GPHN: variants seen among roughly 807,000 people sequenced by gnomAD.
GPHN encodes the protein gephyrin.
In GPHN, 17 loss-of-function variants were observed where a neutral mutation model predicts 95.5. The observed-to-expected ratio is 0.18, with a 90% CI of 0.12 to 0.27. The LOEUF (loss-of-function observed/expected upper bound fraction) is 0.27. Ranked by LOEUF, GPHN falls within the 10% of genes least tolerant of loss-of-function variation. The pLI, the probability that GPHN is intolerant of heterozygous loss-of-function variation, is 1.00. For missense variants in GPHN, 660 were observed against 978.1 expected, an observed-to-expected ratio of 0.67 and a Z score of 4.34; for synonymous variants, 320 against 322.5, an observed-to-expected ratio of 0.99 and a Z score of 0.08.
At chr14:66,621,429 T>TTCAAATC (rs2063297163) in intron 1 of GPHN, among the ~76,000 whole-genome samples, 1 of 65,116 alleles carries the variant, frequency 1.5e-5, no homozygotes, top group Non-Finnish European at 2.2e-5. Context: ...CTGTCAAATC[T>TTCAAATC]TTTTTTTTTT....
intron 1 of GPHN, among the ~76,000 whole-genome samples, chr14:66,545,974 C>T (rs532721407): frequency 1.4e-4 from 20 of 144,834 alleles, no homozygotes; most frequent in Middle Eastern, 7.3e-3. Flanking sequence ...ACTTCTCAGA[C>T]GGGGCGGCTT....
At chr14:67,032,770 G>T (rs1355247776) in intron 10 of GPHN, among the ~76,000 whole-genome samples, 1 of 152,108 alleles carries the variant, frequency 6.6e-6, no homozygotes, top group Non-Finnish European at 1.5e-5. Context: ...CAGGTTGATT[G>T]GTGAGAGTGT....
chr14:66,585,611 A>C (rs1204031358), intron 1 of GPHN, among the ~76,000 whole-genome samples: 2 of 152,140 alleles, frequency 1.3e-5, no homozygotes, highest in Non-Finnish European at 2.9e-5. Flanking sequence ...TTGGTTTCAA[A>C]GAACATCTTT....
intron 11 of GPHN, among the ~76,000 whole-genome samples, chr14:67,060,071 C>T (rs2075762319): frequency 6.6e-6 from 1 of 151,772 alleles, no homozygotes; most frequent in African/African-American, 2.4e-5. Context: ...TAATACTTTA[C>T]CTGTTATAAA....
At position 67,081,450 on chromosome 14, in the gene GPHN, G is replaced by GT. The variant is rs1172167351; in HGVS notation, c.1145-7527dup. On this transcript the variant is annotated intron_variant, in intron 11 of 22. Transcript: ENST00000478722. ...CCTTAGCCCATTTTTTGACAGGATA[G>GT]TTTTTTCATGCTAATTTGCTTAAGT... 2.6e-5 allele frequency among the ~76,000 whole-genome samples: 4 copies of GT among 151,882 alleles called. No homozygotes were observed. In the East Asian group the frequency reaches 7.7e-4, roughly 29 times the overall value.
the GPHN span, among the ~76,000 whole-genome samples, chr14:67,275,515 G>T: frequency 1.3e-5 from 2 of 152,152 alleles, no homozygotes; most frequent in Non-Finnish European, 2.9e-5. Flanking sequence ...TGCTGGATTT[G>T]GTTTGCCAGT....
chr14:67,345,651 A>C, the GPHN span: 9 of 634,376 alleles, frequency 1.4e-5, no homozygotes, highest in Non-Finnish European at 2.5e-5. Context: ...TTTACATAGG[A>C]TCATGGGAAC....
the GPHN span, among the ~76,000 whole-genome samples, chr14:67,330,942 A>T: frequency 1.3e-5 from 2 of 152,104 alleles, no homozygotes; most frequent in Admixed American, 6.5e-5. Flanking sequence ...TTTCTTGGTG[A>T]ATGTTCTGTG....
chr14:67,546,390 GTTTTGT>G, the GPHN span, among the ~76,000 whole-genome samples: 1,648 of 151,996 alleles, frequency 0.011, 31 homozygotes, highest in East Asian at 0.061. Context: ...TGTGTTTTTT[GTTTTGT>G]TTTTGTTTTT....
At chr14:67,561,946 T>G in the GPHN span, 1 of 1,609,666 alleles carries the variant, frequency 6.2e-7, no homozygotes, top group Non-Finnish European at 8.5e-7. Flanking sequence ...ATTTTTCTTT[T>G]TGCTCAGCTT....
At chr14:67,729,306 A>G in the GPHN span, 2 of 1,601,854 alleles carry the variant, frequency 1.2e-6, no homozygotes, top group Non-Finnish European at 1.7e-6. Context: ...TCAAGACGGC[A>G]CGGGAGGGGG....
chr14:66,861,870 G>T (rs1445802273), intron 4 of GPHN, among the ~76,000 whole-genome samples: 1 of 151,952 alleles, frequency 6.6e-6, no homozygotes, highest in Non-Finnish European at 1.5e-5. Context: ...ATAGCTATAA[G>T]TGCCTACATC....
At chr14:67,433,469 C>T in the GPHN span, among the ~76,000 whole-genome samples, 6 of 151,634 alleles carry the variant, frequency 4.0e-5, no homozygotes, top group Non-Finnish European at 7.4e-5. Context: ...TAGAGGAAAA[C>T]GTGAAAGAAT....
At chr14:66,663,900 G>A (rs1012960718) in intron 1 of GPHN, among the ~76,000 whole-genome samples, 1 of 152,098 alleles carries the variant, frequency 6.6e-6, no homozygotes, top group Non-Finnish European at 1.5e-5. Context: ...ATTACATAAT[G>A]GTAAAGGGTT....
intron 1 of GPHN, among the ~76,000 whole-genome samples, chr14:66,553,959 A>G (rs537436548): frequency 6.6e-6 from 1 of 152,158 alleles, no homozygotes; most frequent in African/African-American, 2.4e-5. Flanking sequence ...GTTAATCTAA[A>G]TTATTGATTT....
Position 67,143,430 on chromosome 14 carries a change from G to A in GPHN, c.1817G>A (p.Gly606Asp), listed in dbSNP as rs777861765. The change falls in exon 18 of 23, where the codon GGT (glycine) becomes GAT (aspartate). Residue 606 changes from glycine to aspartate, a missense_variant. Coordinates refer to ENST00000478722, the MANE Select transcript of GPHN (RefSeq NM_020806.5). ...SRADVIITSGGVSMGEKDYLK... is the reference protein window; with the variant it reads ...SRADVIITSGDVSMGEKDYLK... The stretch of plus-strand genomic sequence containing the variant: ...GCTGATGTCATCATCACATCAGGGG[G>A]TGTATCCATGGGGGAAAAGGTATGA... 6.3e-7 allele frequency: 1 copy of A among 1,598,716 alleles called. No homozygotes were observed. Among genetic ancestry groups the A allele is most frequent in the Non-Finnish European group, 8.6e-7 (1 of 1,166,106 alleles).
chr14:66,664,293 C>T (rs1416466798), intron 1 of GPHN, among the ~76,000 whole-genome samples: 1 of 152,164 alleles, frequency 6.6e-6, no homozygotes, highest in Admixed American at 6.5e-5. Context: ...TCTCTTGGAC[C>T]AGAGCACAAT....
rs573101080 is a variant in GPHN at position 66,800,587 on chromosome 14, TTA to T, written c.202-23885_202-23884del. On this transcript the variant is annotated intron_variant, in intron 3 of 22. Coordinates refer to ENST00000478722, the MANE Select transcript of GPHN (RefSeq NM_020806.5). The stretch of plus-strand genomic sequence containing the variant: ...TTGTATGTTATTTGTAGTTTTTTTT[TTA>T]TTTTTCTCATGCTGCTTTTAAGATC... Among the ~76,000 whole-genome samples, 531 of 152,020 alleles carry T rather than the reference TTA, an allele frequency of 3.5e-3. 7 individuals carry two copies. The highest frequency in any genetic ancestry group is 0.012 in the African/African-American group (496 of 41,500).
chr14:67,122,358 T>C lies in GPHN; in HGVS notation c.1729T>C (p.Leu577=). Residue 577 remains leucine, a synonymous_variant, in exon 17 of 23, where the codon TTG becomes CTG. Transcript: ENST00000478722. ...IQEHGYPTIN[L]GIVGDNPDDL... is the part of the protein sequence containing the mutation. ...GGAACATGGTTACCCCACGATCAAC[T>C]TGGGTATTGTAGGAGACAAGTAAGT... 1 of 1,613,198 alleles carries C rather than the reference T, an allele frequency of 6.2e-7. No individual in the cohort carries two copies. The highest frequency in any genetic ancestry group is 8.5e-7 in the Non-Finnish European group (1 of 1,179,210).
Sources: gnomAD v4.1 joint callset for allele counts (sites outside exome capture counted in the v4.1 genomes callset) on GRCh38, gnomAD v4.1.1 for gene constraint, MANE v1.5 for transcripts, NCBI Gene and HGNC (gene_info 2026-07-23, HGNC 2026-07-21) for gene names.